Variants in NELL1 observed in about 807,000 individuals in gnomAD.
NELL1 encodes protein kinase C-binding protein NELL1.
In NELL1, 76 loss-of-function variants were observed where a neutral mutation model predicts 107.4. That is an observed-to-expected ratio of 0.71 (90% CI 0.59 to 0.86). NELL1 has a LOEUF of 0.86. NELL1 is among the 40% of genes least tolerant of loss of function. NELL1 has a pLI of 0.00. For synonymous variants in NELL1, 353 were observed against 341.2 expected, an observed-to-expected ratio of 1.03 and a Z score of -0.38; for missense variants, 1,024 against 1,005.5, an observed-to-expected ratio of 1.02 and a Z score of -0.25.
chr11:21,078,843 C>T (rs968431890), intron 12 of NELL1, among the ~76,000 whole-genome samples: 3 of 151,964 alleles, frequency 2.0e-5, no homozygotes, highest in African/African-American at 2.4e-5. Flanking sequence ...GCAAACTAAT[C>T]GTAGTCCTCT....
chr11:20,723,032 T>C (rs1226806066), intron 2 of NELL1, among the ~76,000 whole-genome samples: 4 of 152,104 alleles, frequency 2.6e-5, no homozygotes, highest in African/African-American at 9.7e-5. Flanking sequence ...AACTCACTCA[T>C]TATCATGAGA....
At chr11:21,168,831 G>T (rs1183918228) in intron 13 of NELL1, among the ~76,000 whole-genome samples, 2 of 151,754 alleles carry the variant, frequency 1.3e-5, no homozygotes, top group Non-Finnish European at 1.5e-5. Context: ...GTTGTAACAG[G>T]CACAGAATTG....
At chr11:20,969,618 C>T (rs1424494232) in intron 12 of NELL1, among the ~76,000 whole-genome samples, 1 of 151,466 alleles carries the variant, frequency 6.6e-6, no homozygotes, top group Non-Finnish European at 1.5e-5. Context: ...CATTTTTCTT[C>T]CCTCCATTTT....
chr11:20,796,179 GTAA>G (rs1406709424), intron 3 of NELL1, among the ~76,000 whole-genome samples: 1 of 152,140 alleles, frequency 6.6e-6, no homozygotes, highest in Admixed American at 6.5e-5. Context: ...ATTTGAAATA[GTAA>G]TTAGCTTTTC....
At chr11:20,747,875 T>A (rs927497336) in intron 2 of NELL1, among the ~76,000 whole-genome samples, 1 of 152,194 alleles carries the variant, frequency 6.6e-6, no homozygotes, top group South Asian at 2.1e-4. Flanking sequence ...GGGAACTGCA[T>A]GTCCTCAAGC....
At chr11:21,238,635 G>A (rs572074201) in intron 14 of NELL1, among the ~76,000 whole-genome samples, 1 of 152,074 alleles carries the variant, frequency 6.6e-6, no homozygotes, top group Non-Finnish European at 1.5e-5. Flanking sequence ...GAAACAAAAA[G>A]TATTCACCCT....
chr11:21,357,077 A>G (rs771539810), intron 14 of NELL1, among the ~76,000 whole-genome samples: 1 of 152,108 alleles, frequency 6.6e-6, no homozygotes, highest in Non-Finnish European at 1.5e-5. Context: ...GGCTGGTTCC[A>G]TATTTTTGCA....
Position 21,338,767 on chromosome 11 carries a change from A to T in NELL1, c.1550-32086A>T, listed in dbSNP as rs373700054. On this transcript the variant is annotated intron_variant, in intron 14 of 19. Transcript: ENST00000357134. ...GACTTGGAAAGGCTCATAAAACTTG[A>T]GCAAAATGTTTATAAAGCATGGAAG... Among the ~76,000 whole-genome samples, 269 of 152,298 alleles carry T rather than the reference A, an allele frequency of 1.8e-3. 7 individuals carry two copies. In the South Asian group the frequency reaches 0.055, roughly 31 times the overall value.
intron 14 of NELL1, among the ~76,000 whole-genome samples, chr11:21,293,893 A>C (rs1457293558): frequency 2.6e-5 from 4 of 152,148 alleles, no homozygotes; most frequent in Non-Finnish European, 5.9e-5. Context: ...AAACACATGG[A>C]AACAGGGAGG....
chr11:21,524,207 G>A (rs1259263705), intron 15 of NELL1, among the ~76,000 whole-genome samples: 2 of 152,054 alleles, frequency 1.3e-5, no homozygotes, highest in Non-Finnish European at 2.9e-5. Flanking sequence ...GTTTTACTGT[G>A]GGTATGTTAT....
chr11:20,888,822 G>A (rs1432430482), intron 5 of NELL1, among the ~76,000 whole-genome samples: 3 of 152,160 alleles, frequency 2.0e-5, no homozygotes, highest in Non-Finnish European at 2.9e-5. Flanking sequence ...TCACCTCTCT[G>A]GGGGTTGGCT....
At chr11:21,127,059 T>C (rs921095740) in intron 13 of NELL1, among the ~76,000 whole-genome samples, 7 of 152,166 alleles carry the variant, frequency 4.6e-5, no homozygotes, top group African/African-American at 1.7e-4. Context: ...TCAGTTCTGC[T>C]GGCTGGCATC....
chr11:21,082,105 T>A (rs1398760912), intron 12 of NELL1, among the ~76,000 whole-genome samples: 2 of 152,170 alleles, frequency 1.3e-5, no homozygotes, highest in East Asian at 3.9e-4. Flanking sequence ...AAATTACAGC[T>A]GAATTCTTTA....
chr11:21,136,702 G>T (rs762257442), intron 13 of NELL1, among the ~76,000 whole-genome samples: 1 of 152,108 alleles, frequency 6.6e-6, no homozygotes, highest in Non-Finnish European at 1.5e-5. Flanking sequence ...AGTCCCCTGT[G>T]GTTTGGAGCA....
chr11:21,438,744 C>T (rs1194111116), intron 15 of NELL1, among the ~76,000 whole-genome samples: 6 of 151,736 alleles, frequency 4.0e-5, no homozygotes. Context: ...ACTGGTAAGG[C>T]TGTCAATTGT....
chr11:21,220,595 G>C (rs1857730989), intron 13 of NELL1, among the ~76,000 whole-genome samples: 1 of 151,738 alleles, frequency 6.6e-6, no homozygotes, highest in Non-Finnish European at 1.5e-5. Flanking sequence ...TCACCTCCTT[G>C]GTTAAATTTA....
chr11:21,362,815 G>T (rs540598223), intron 14 of NELL1, among the ~76,000 whole-genome samples: 3 of 152,092 alleles, frequency 2.0e-5, no homozygotes, highest in African/African-American at 7.2e-5. Flanking sequence ...GGAGGCTTAC[G>T]CAAGTCTTGG....
intron 9 of NELL1, among the ~76,000 whole-genome samples, chr11:20,931,297 A>T (rs1161380971): frequency 6.6e-6 from 1 of 152,182 alleles, no homozygotes; most frequent in Non-Finnish European, 1.5e-5. Context: ...ACCTTCTAGA[A>T]GTTGACTTTT....
chr11:21,205,682 C>T (rs1266552440), intron 13 of NELL1, among the ~76,000 whole-genome samples: 1 of 152,160 alleles, frequency 6.6e-6, no homozygotes, highest in African/African-American at 2.4e-5. Flanking sequence ...ACTCCTGCAG[C>T]AAGCTCGCTG....
Sources: allele counts gnomAD v4.1 joint callset (sites outside exome capture counted in the v4.1 genomes callset), GRCh38; gene constraint gnomAD v4.1.1; transcripts MANE v1.5; gene names NCBI Gene and HGNC (gene_info 2026-07-23, HGNC 2026-07-21).